SYNC: variants seen among roughly 807,000 people sequenced by gnomAD.
SYNC encodes the protein syncoilin.
SYNC carries 38 observed loss-of-function variants against 49.5 expected under a neutral mutation model. The ratio of observed to expected loss-of-function variants is 0.77; its 90% CI spans 0.59 to 1.01. The LOEUF (loss-of-function observed/expected upper bound fraction) is 1.01, where lower values mean the gene tolerates loss of function less well. Among genes scored for constraint, SYNC ranks in the 50% least tolerant of loss-of-function variants. The probability of loss-of-function intolerance (pLI) is 0.00; values close to 1 mark genes in which losing one functional copy is unlikely to be tolerated. For synonymous variants in SYNC, 201 were observed against 230.8 expected (o/e 0.87, Z 1.17); for missense variants, 579 against 580.6 (o/e 1.00, Z 0.03).
intron 2 of SYNC, among the ~76,000 whole-genome samples, chr1:32,687,861 A>ATTTTTTTTTTTTTTT (rs989517086): frequency 6.8e-6 from 1 of 146,440 alleles, no homozygotes; most frequent in African/African-American, 2.5e-5. Context: ...TATTATTATT[A>ATTTTTTTTTTTTTTT]TTTTTTGAGA....
At position 32,702,534 on chromosome 1, in the gene SYNC, C is replaced by A; in HGVS notation, c.53+74G>T. ...TAGACAGGCGAAAGACGCCCGCGGT[C>A]GGGGGGAAAGGGAACCCGTCCAGCA... On this transcript the variant is annotated intron_variant, in intron 1 of 4. Transcript: ENST00000409190. The surrounding 1 kb of genome is among the most constrained non-coding windows in gnomAD (Gnocchi z 6.2). 1 of 1,152,964 alleles carries A rather than the reference C, an allele frequency of 8.7e-7. No individual in the cohort carries two copies. The highest frequency in any genetic ancestry group is 4.3e-5 in the South Asian group (1 of 23,076). The allele number at this position is 1,152,964 out of a possible 1,614,324, so 71.4% of individuals were successfully genotyped here. A position where few individuals can be genotyped will look rare whatever the true frequency, so the allele number is the denominator to read the frequency against.
rs1489037340 is a variant in SYNC at position 32,702,720 on chromosome 1, C to G, written c.-60G>C. On this transcript the variant is annotated 5_prime_UTR_variant, in exon 1 of 5. Transcript: ENST00000409190. The surrounding 1 kb of genome is among the most constrained non-coding windows in gnomAD (Gnocchi z 6.2). ...AATAGCCGGGCCCGCGGGCCCCTCGCTCCGGCGCCCGCGCCCGCCGCACTG... is the reference window on the plus strand; with the variant it reads ...AATAGCCGGGCCCGCGGGCCCCTCGGTCCGGCGCCCGCGCCCGCCGCACTG... The G allele has an allele frequency of 9.1e-7, 1 of 1,104,178 alleles. No individual in the cohort carries two copies. Among genetic ancestry groups the G allele is most frequent in the African/African-American group, 1.7e-5 (1 of 60,002 alleles). The allele number at this position is 1,104,178 out of a possible 1,614,324, so 68.4% of individuals were successfully genotyped here. A position where few individuals can be genotyped will look rare whatever the true frequency, so the allele number is the denominator to read the frequency against.
chr1:32,682,861 C>A (rs115254209), intron 4 of SYNC: 2 of 152,136 alleles, frequency 1.3e-5, no homozygotes, highest in Non-Finnish European at 2.9e-5. Context: ...CACGGACTTT[C>A]TTTTATCCTT....
At chr1:32,687,846 A>ATTATTATTATTAT (rs1649946241) in intron 2 of SYNC, among the ~76,000 whole-genome samples, 1 of 30,028 alleles carries the variant, frequency 3.3e-5, no homozygotes, top group African/African-American at 4.7e-5. Context: ...TATTATTATT[A>ATTATTATTATTAT]TTATTATTAT....
At chr1:32,701,195 G>A (rs905095865) in intron 1 of SYNC, among the ~76,000 whole-genome samples, 10 of 152,096 alleles carry the variant, frequency 6.6e-5, no homozygotes, top group Non-Finnish European at 1.2e-4. Context: ...GATTACAGGC[G>A]TGAGCCACCG....
chr1:32,703,179 G>A (rs558127163), upstream of SYNC: 1 of 152,082 alleles, frequency 6.6e-6, no homozygotes, highest in Non-Finnish European at 1.5e-5. Context: ...CCACCCTCTG[G>A]GCACTCCGGG....
chr1:32,694,462 G>A (rs1381755689), intron 2 of SYNC, among the ~76,000 whole-genome samples: 1 of 151,918 alleles, frequency 6.6e-6, no homozygotes, highest in Non-Finnish European at 1.5e-5. Flanking sequence ...GACCATCCTG[G>A]TTAACAACAG....
intron 2 of SYNC, among the ~76,000 whole-genome samples, chr1:32,689,235 C>CGTTTTTTTT (rs1650041119): frequency 2.4e-5 from 1 of 41,520 alleles, no homozygotes; most frequent in Non-Finnish European, 4.9e-5. Context: ...CTCGCCTGGC[C>CGTTTTTTTT]TTTTTTTTTT....
At chr1:32,687,218 G>A (rs867749919) in intron 2 of SYNC, among the ~76,000 whole-genome samples, 15 of 151,892 alleles carry the variant, frequency 9.9e-5, no homozygotes, top group Admixed American at 5.3e-4. Flanking sequence ...AAAATTAGCC[G>A]GGCGTGGTGG....
Position 32,702,651 on chromosome 1 carries a change from G to C in SYNC, c.10C>G (p.Pro4Ala). The C allele has an allele frequency of 8.3e-7, 1 of 1,200,772 alleles. No homozygotes were observed. The highest frequency in any genetic ancestry group is 1.0e-6 in the Non-Finnish European group (1 of 968,378). The allele number at this position is 1,200,772 out of a possible 1,614,324, so 74.4% of individuals were successfully genotyped here. A position where few individuals can be genotyped will look rare whatever the true frequency, so the allele number is the denominator to read the frequency against. ...CCGTCCCCGCCGCGCCGGGGCTCCG[G>C]GCTGGCCATGGCTGCGCGACCCCGG... MAS[P>A]EPRRGGDGAA... The change falls in exon 1 of 5, where the codon CCG becomes GCG. Residue 4 changes from proline to alanine, a missense_variant. Pro to Ala is a conservative substitution (Grantham distance 27, BLOSUM62 -1). Coordinates refer to ENST00000409190, the MANE Select transcript of SYNC (RefSeq NM_030786.3). This position sits in a 1 kb window ranked among gnomAD's most constrained non-coding sequence, Gnocchi z 6.2.
chr1:32,692,443 G>T (rs1650210691), intron 2 of SYNC, among the ~76,000 whole-genome samples: 1 of 152,118 alleles, frequency 6.6e-6, no homozygotes. Flanking sequence ...GGAATATGAA[G>T]AGTTTAAAAA....
At chr1:32,684,187 A>T in intron 3 of SYNC, 71 bp downstream of exon 3, 1 of 1,605,600 alleles carries the variant, frequency 6.2e-7, no homozygotes, top group South Asian at 1.1e-5. Context: ...CTAAGGTAAA[A>T]TTTTCCCTAA....
chr1:32,697,426 G>A (rs537873035), intron 1 of SYNC, among the ~76,000 whole-genome samples: 89 of 142,644 alleles, frequency 6.2e-4, no homozygotes, highest in Middle Eastern at 4.0e-3. Flanking sequence ...CAACAACAGC[G>A]AAACTCCGTC....
At chr1:32,697,949 G>A (rs1209283296) in intron 1 of SYNC, among the ~76,000 whole-genome samples, 3 of 152,032 alleles carry the variant, frequency 2.0e-5, no homozygotes, top group African/African-American at 4.8e-5. Context: ...AGGGCTGGGC[G>A]AGATGGCTCA....
rs958115876 is a variant in SYNC, at chr1:32,680,842, C to T, written c.*1008G>A. 5 of 353,912 alleles carry T rather than the reference C, an allele frequency of 1.4e-5. No homozygotes were observed. Among genetic ancestry groups the T allele is most frequent in the African/African-American group, 1.1e-4 (5 of 47,340 alleles). 21.9% of individuals were successfully genotyped at this position (353,912 alleles called of 1,614,324 possible). ...CCCAGGGAAAGTGAAAGACATAAAA[C>T]ACTGAATCAGAGGTGGCACAGATTA... On this transcript the variant is annotated 3_prime_UTR_variant, in exon 5 of 5. Coordinates refer to ENST00000409190, the MANE Select transcript of SYNC (RefSeq NM_030786.3).
chr1:32,689,832 T>C (rs1251712034), intron 2 of SYNC, among the ~76,000 whole-genome samples: 1 of 151,640 alleles, frequency 6.6e-6, no homozygotes, highest in African/African-American at 2.4e-5. Context: ...TCCCAGCTAC[T>C]TGAGAGGCTG....
In SYNC at chr1:32,681,806, G is replaced by A; in HGVS notation, c.*44C>T. The stretch of plus-strand genomic sequence containing the variant: ...AGGGTACTTAGTGATCCTTTGCTAA[G>A]AAGTTTTTTGCTGTTTCCGGGTTAC... On this transcript the variant is annotated 3_prime_UTR_variant, in exon 5 of 5. Transcript: ENST00000409190. The A allele has an allele frequency of 4.3e-6, 7 of 1,614,166 alleles. No individual in the cohort carries two copies. Among genetic ancestry groups the A allele is most frequent in the Non-Finnish European group, 5.9e-6 (7 of 1,180,014 alleles).
chr1:32,682,791 T>C (rs567823711), intron 4 of SYNC: 1 of 151,992 alleles, frequency 6.6e-6, no homozygotes, highest in East Asian at 1.9e-4. Flanking sequence ...AAGTTGTGAA[T>C]TTGATGTAAG....
rs1313855279 is a variant in SYNC, at chr1:32,702,591, GC to G, written c.53+16del. ...CTTCCCCAGCGGGGCGGCGACGCGGGCCCGGCACTGTCCTACCTCGCGGCCT... is the reference window on the plus strand; with the variant it reads ...CTTCCCCAGCGGGGCGGCGACGCGGGCCGGCACTGTCCTACCTCGCGGCCT... On this transcript the variant is annotated intron_variant, in intron 1 of 4. Transcript: ENST00000409190. The surrounding 1 kb of genome is among the most constrained non-coding windows in gnomAD (Gnocchi z 6.2). 2 of 1,217,974 alleles carry G rather than the reference GC, an allele frequency of 1.6e-6. No homozygotes were observed. Among genetic ancestry groups the G allele is most frequent in the Admixed American group, 8.7e-5 (2 of 23,116 alleles). The allele number at this position is 1,217,974 out of a possible 1,614,324, so 75.4% of individuals were successfully genotyped here.
Sources: allele counts gnomAD v4.1 joint callset (sites outside exome capture counted in the v4.1 genomes callset), GRCh38; gene constraint gnomAD v4.1.1; non-coding constraint Gnocchi (gnomAD v3.1); transcripts MANE v1.5; gene names NCBI Gene and HGNC (gene_info 2026-07-23, HGNC 2026-07-21).